Variants in OTOG observed in about 807,000 individuals in gnomAD.
The protein encoded by OTOG is otogelin.
Under a neutral mutation model 313.8 loss-of-function variants are expected in OTOG, and 296 were observed. The ratio of observed to expected loss-of-function variants is 0.94; its 90% CI spans 0.86 to 1.04. OTOG has a LOEUF of 1.04. OTOG is among the 50% of genes least tolerant of loss of function. The pLI, the probability that OTOG is intolerant of heterozygous loss-of-function variation, is 0.00. For synonymous variants in OTOG, 1,533 were observed against 1,554.9 expected (o/e 0.99, Z 0.33); for missense variants, 3,948 against 3,840.1 (o/e 1.03, Z -0.74).
chr11:17,618,786 T>A (rs1035588516), intron 39 of OTOG, among the ~76,000 whole-genome samples: 2 of 152,240 alleles, frequency 1.3e-5, no homozygotes, highest in Admixed American at 6.5e-5. Flanking sequence ...TTAACTCTTT[T>A]ATTCTTAGGA....
At chr11:17,577,045 C>T in intron 22 of OTOG, 134 bp downstream of exon 22, 1 of 911,642 alleles carries the variant, frequency 1.1e-6, no homozygotes, top group East Asian at 2.7e-5. Flanking sequence ...GTATTCCTTG[C>T]CCTCTTGGCA....
intron 33 of OTOG, among the ~76,000 whole-genome samples, chr11:17,607,418 C>T (rs1853416695): frequency 1.3e-5 from 2 of 152,222 alleles, no homozygotes; most frequent in South Asian, 2.1e-4. Flanking sequence ...AGACTTTTCC[C>T]TCATTTGCCA....
chr11:17,566,132 C>T (rs545398603), intron 15 of OTOG, among the ~76,000 whole-genome samples: 1 of 152,206 alleles, frequency 6.6e-6, no homozygotes, highest in African/African-American at 2.4e-5. Flanking sequence ...TGTGTTCCAG[C>T]ACCCCACTCC....
chr11:17,636,680 C>G (rs1467366682), intron 47 of OTOG, among the ~76,000 whole-genome samples: 2 of 151,952 alleles, frequency 1.3e-5, no homozygotes, highest in African/African-American at 4.8e-5. Flanking sequence ...TCTCTTCTGT[C>G]TTTCTCTTTC....
Position 17,594,142 on chromosome 11 carries a change from T to A in OTOG, c.3384T>A (p.Phe1128Leu). The change falls in exon 28 of 56, where the codon TTT (phenylalanine) becomes TTA (leucine). Residue 1128 changes from phenylalanine (F) to leucine (L), a missense_variant. By Grantham distance (22) the Phe-to-Leu change is conservative. Coordinates refer to ENST00000399397, the MANE Select transcript of OTOG (RefSeq NM_001292063.2). ...TAGAGCTAACTAACCCCCAGGAGTTTGGCAGCAGTTGGGCTGCAGTTGAGG... is the reference window on the plus strand; with the variant it reads ...TAGAGCTAACTAACCCCCAGGAGTTAGGCAGCAGTTGGGCTGCAGTTGAGG... Reference protein sequence around the residue: ...ENLELTNPQEFGSSWAAVECP... With the variant: ...ENLELTNPQELGSSWAAVECP... 1 of 1,550,606 alleles carries A rather than the reference T, an allele frequency of 6.4e-7. No homozygotes were observed. The highest frequency in any genetic ancestry group is 8.7e-7 in the Non-Finnish European group (1 of 1,147,002).
In OTOG at chr11:17,641,110, CGGGGTGGGT is replaced by C; in HGVS notation, c.8190+25_8190+33del. ...TGAGGCGGTAGGGTGCAGCCCAGGG[CGGGGTGGGT>C]GGGGTTGGGAGGGCTTGCCTGGCAG... On this transcript the variant is annotated intron_variant, in intron 51 of 55. Transcript: ENST00000399397. 3 of 68,438 alleles carry C rather than the reference CGGGGTGGGT, an allele frequency of 4.4e-5. No homozygotes were observed. Among genetic ancestry groups the C allele is most frequent in the Non-Finnish European group, 8.6e-5 (3 of 34,790 alleles). 4.2% of individuals were successfully genotyped at this position (68,438 alleles called of 1,614,324 possible). A position where few individuals can be genotyped will look rare whatever the true frequency, so the allele number is the denominator to read the frequency against.
chr11:17,598,645 A>G (rs903148815), intron 30 of OTOG, among the ~76,000 whole-genome samples: 1 of 152,224 alleles, frequency 6.6e-6, no homozygotes, highest in Non-Finnish European at 1.5e-5. Flanking sequence ...AATTTGGTCC[A>G]GTATGCACAG....
chr11:17,574,602 T>G lies in OTOG; in HGVS notation c.2294-118T>G, dbSNP rs576005089. 5.5e-6 allele frequency: 6 copies of G among 1,087,464 alleles called. No homozygotes were observed. In the African/African-American group the frequency reaches 6.5e-5, roughly 12 times the overall value. 67.4% of individuals were successfully genotyped at this position (1,087,464 alleles called of 1,614,324 possible). On this transcript the variant is annotated intron_variant, in intron 19 of 55. Transcript: ENST00000399397. The stretch of plus-strand genomic sequence containing the variant: ...TCTGACCTTGACCTGCTGTGTGACC[T>G]CAGACAAATGTCTGAACTTCTCTGG...
At chr11:17,573,344 G>A (rs1852448212) in intron 19 of OTOG, 54 bp downstream of exon 19, 2 of 1,464,538 alleles carry the variant, frequency 1.4e-6, no homozygotes, top group East Asian at 5.0e-5. Context: ...CTCCAGACCT[G>A]AGTGTCCCCT....
intron 22 of OTOG, 52 bp downstream of exon 22, chr11:17,576,963 G>A (rs1852544355): frequency 1.3e-6 from 2 of 1,520,056 alleles, no homozygotes; most frequent in Non-Finnish European, 1.8e-6. Context: ...CATGGTAAAG[G>A]AGAGTGGGGA....
chr11:17,556,031 G>A (rs150190093), intron 7 of OTOG, 134 bp downstream of exon 7: 13 of 678,918 alleles, frequency 1.9e-5, no homozygotes, highest in Middle Eastern at 2.6e-4. Flanking sequence ...CTATCTGGGC[G>A]GAAGCATACT....
rs879630115 is a variant in OTOG, at chr11:17,547,919, C to G, written c.95-8C>G. ...ACAATTTGAGTGGAGAATAATCCCC[C>G]TCCCCAGCCGCAGCACCCGTTCTGT... On this transcript the variant is annotated splice_region_variant and splice_polypyrimidine_tract_variant and intron_variant, in intron 1 of 55. Coordinates refer to ENST00000399397, the MANE Select transcript of OTOG (RefSeq NM_001292063.2). 2.2e-6 allele frequency: 1 copy of G among 457,006 alleles called. No individual in the cohort carries two copies. Among genetic ancestry groups the G allele is most frequent in the East Asian group, 3.3e-5 (1 of 30,096 alleles). 28.3% of individuals were successfully genotyped at this position (457,006 alleles called of 1,614,324 possible). A position where few individuals can be genotyped will look rare whatever the true frequency, so the allele number is the denominator to read the frequency against.
In OTOG at chr11:17,571,762, T is replaced by C. The variant is rs569081377; in HGVS notation, c.1956-318T>C. ...CTGTTAAATGTTGTGTGTCTGCGTG[T>C]GTGTGTGTGTGTGCGTGCGCGCACG... On this transcript the variant is annotated intron_variant, in intron 17 of 55. Coordinates refer to ENST00000399397, the MANE Select transcript of OTOG (RefSeq NM_001292063.2). Among the ~76,000 whole-genome samples the C allele has an allele frequency of 1.1e-3, 166 of 152,154 alleles. 1 individual carries two copies. The highest frequency in any genetic ancestry group is 3.9e-3 in the African/African-American group (163 of 41,520).
At chr11:17,613,374 C>CTCCTTCCT (rs1424666315) in intron 38 of OTOG, among the ~76,000 whole-genome samples, 155 of 74,712 alleles carry the variant, frequency 2.1e-3, no homozygotes, top group East Asian at 9.8e-3. Flanking sequence ...CCTTCCTTCC[C>CTCCTTCCT]TCCTTCCTTC....
In OTOG at chr11:17,559,605, C is replaced by T. The variant is rs199968574; in HGVS notation, c.1285C>T (p.Arg429Trp). 6.3e-4 allele frequency: 977 copies of T among 1,550,880 alleles called. 3 individuals carry two copies. Among genetic ancestry groups the T allele is most frequent in the African/African-American group, 6.0e-3 (439 of 73,166 alleles). The change falls in exon 12 of 56, where the codon CGG (arginine) becomes TGG (tryptophan). Residue 429 changes from arginine to tryptophan, a missense_variant. Physicochemically the swap from Arg to Trp is moderately radical, Grantham distance 101 (BLOSUM62 -3). Transcript: ENST00000399397. ...CTGCTGCCCTGCCTCCTGCCATCCC[C>T]GGGCATCCTGTGTGGACAGTGAGAT... ...IACCPASCHPRASCVDSEIAC... is the reference protein window; with the variant it reads ...IACCPASCHPWASCVDSEIAC...
chr11:17,581,792 T>C (rs1004302792), intron 23 of OTOG, among the ~76,000 whole-genome samples: 2 of 152,216 alleles, frequency 1.3e-5, no homozygotes, highest in Non-Finnish European at 2.9e-5. Flanking sequence ...TGTGAATATA[T>C]AATGTTTATC....
intron 49 of OTOG, 59 bp from the exon 50 acceptor site, chr11:17,640,686 G>A: frequency 6.6e-7 from 1 of 1,508,036 alleles, no homozygotes; most frequent in Non-Finnish European, 8.9e-7. Context: ...GTGGCAGACT[G>A]CTCCTGAGGG....
chr11:17,602,577 G>A (rs568393078), intron 32 of OTOG, among the ~76,000 whole-genome samples, 200 bp downstream of exon 32: 5 of 152,054 alleles, frequency 3.3e-5, no homozygotes, highest in East Asian at 1.9e-4. Context: ...TCCCCTAACC[G>A]CCAGGGCAGC....
chr11:17,638,856 G>C (rs1847908571), intron 48 of OTOG: 1 of 1,247,092 alleles, frequency 8.0e-7, no homozygotes, highest in African/African-American at 1.5e-5. Flanking sequence ...CCAGCACTTT[G>C]AGAGGCCAAG....
Sources: gnomAD v4.1 joint callset for allele counts (sites outside exome capture counted in the v4.1 genomes callset) on GRCh38, gnomAD v4.1.1 for gene constraint, MANE v1.5 for transcripts, NCBI Gene and HGNC (gene_info 2026-07-23, HGNC 2026-07-21) for gene names.